The following KIF6 variants were observed in gnomAD, a reference collection of about 807,000 sequenced individuals.
KIF6 encodes the protein kinesin family member 6, also known as kinesin-like protein KIF6.
In KIF6, 106 loss-of-function variants were observed where a neutral mutation model predicts 112.7. That is an observed-to-expected ratio of 0.94 (90% confidence interval 0.80 to 1.11). The LOEUF is 1.11. Among genes scored for constraint, KIF6 ranks in the 50% least tolerant of loss-of-function variants. The pLI, the probability that KIF6 is intolerant of heterozygous loss-of-function variation, is 0.00. For missense variants in KIF6, 929 were observed against 964.0 expected (o/e 0.96, Z 0.48); for synonymous variants, 339 against 339.9 (o/e 1.00, Z 0.03).
chr6:39,359,187 G>A (rs1764940751), intron 18 of KIF6, among the ~76,000 whole-genome samples: 1 of 152,194 alleles, frequency 6.6e-6, no homozygotes, highest in African/African-American at 2.4e-5. Context: ...GGATCAGCCT[G>A]TCAGATAATC....
intron 22 of KIF6, among the ~76,000 whole-genome samples, chr6:39,337,211 C>CTT (rs1197445487): frequency 3.2e-5 from 3 of 94,560 alleles, no homozygotes; most frequent in African/African-American, 1.6e-4. Context: ...TTCTTTCTTT[C>CTT]TTTCTTTCTT....
chr6:39,588,572 C>T (rs1247199454), intron 7 of KIF6, among the ~76,000 whole-genome samples: 2 of 152,092 alleles, frequency 1.3e-5, no homozygotes, highest in African/African-American at 2.4e-5. Flanking sequence ...TACCATCAAT[C>T]TCAACCTCTT....
intron 9 of KIF6, chr6:39,583,172 C>T (rs1781390119): frequency 3.9e-6 from 1 of 258,274 alleles, no homozygotes; most frequent in South Asian, 4.4e-5. Context: ...AAACAAAACC[C>T]TCCAATGTCT....
chr6:39,662,905 C>CCTTT (rs1368101176), intron 3 of KIF6, among the ~76,000 whole-genome samples: 53 of 151,460 alleles, frequency 3.5e-4, no homozygotes, highest in African/African-American at 1.2e-3. Context: ...CTTCTTTTCT[C>CCTTT]TCTCTCTTTT....
At chr6:39,625,624 TC>T (rs1438899519) in intron 5 of KIF6, among the ~76,000 whole-genome samples, 1 of 151,662 alleles carries the variant, frequency 6.6e-6, no homozygotes, top group Non-Finnish European at 1.5e-5. Flanking sequence ...GGCCTAGGAG[TC>T]CCCTCAAATC....
At chr6:39,463,261 G>A (rs1456013624) in intron 13 of KIF6, among the ~76,000 whole-genome samples, 3 of 152,072 alleles carry the variant, frequency 2.0e-5, no homozygotes, top group Non-Finnish European at 2.9e-5. Context: ...TCCACAGTGT[G>A]AGACTAGGCC....
At chr6:39,676,893 T>C (rs1279389988) in intron 3 of KIF6, among the ~76,000 whole-genome samples, 1 of 152,016 alleles carries the variant, frequency 6.6e-6, no homozygotes, top group East Asian at 1.9e-4. Flanking sequence ...ATAGAAATGA[T>C]TGCAAATGTT....
At position 39,403,355 on chromosome 6, in the gene KIF6, C is replaced by T. The variant is rs2150342333; in HGVS notation, c.1810+16593G>A. On this transcript the variant is annotated intron_variant, in intron 15 of 22. Transcript: ENST00000287152. Reference sequence around the variant, plus strand: ...CTCACACCCTTCTCCCACCCCTGCCCTGCATTGTGGAAGTTCTCACTTTTT... The same window carrying T: ...CTCACACCCTTCTCCCACCCCTGCCTTGCATTGTGGAAGTTCTCACTTTTT... Among the ~76,000 whole-genome samples the T allele has an allele frequency of 2.0e-5, 3 of 152,156 alleles. 1 individual carries two copies. The South Asian group carries it at 6.2e-4, about 32-fold the overall frequency.
intron 15 of KIF6, among the ~76,000 whole-genome samples, chr6:39,405,743 A>G (rs1769041506): frequency 6.6e-6 from 1 of 152,176 alleles, no homozygotes; most frequent in African/African-American, 2.4e-5. Flanking sequence ...TTTCTGGAAG[A>G]GATTATATAA....
At chr6:39,565,062 T>C (rs771227464) in intron 10 of KIF6, among the ~76,000 whole-genome samples, 1 of 152,176 alleles carries the variant, frequency 6.6e-6, no homozygotes, top group Non-Finnish European at 1.5e-5. Context: ...AGCTGAAAAA[T>C]AAAAGCAAAG....
chr6:39,395,729 G>GT (rs1768220035), intron 15 of KIF6, among the ~76,000 whole-genome samples: 1 of 152,168 alleles, frequency 6.6e-6, no homozygotes, highest in Non-Finnish European at 1.5e-5. Flanking sequence ...CTACTCCAGT[G>GT]TGGGTGGGAC....
chr6:39,354,411 A>G (rs1764485714), intron 19 of KIF6, among the ~76,000 whole-genome samples: 2 of 152,236 alleles, frequency 1.3e-5, no homozygotes, highest in African/African-American at 4.8e-5. Context: ...TGGGACATCT[A>G]TCCATTTGGA....
intron 13 of KIF6, among the ~76,000 whole-genome samples, chr6:39,460,040 C>T (rs1773361634): frequency 6.8e-6 from 1 of 146,276 alleles, no homozygotes; most frequent in East Asian, 2.1e-4. Flanking sequence ...ACCCAAATGA[C>T]TATAAATCAT....
intron 13 of KIF6, among the ~76,000 whole-genome samples, chr6:39,528,843 A>T (rs1429018970): frequency 6.6e-6 from 1 of 152,238 alleles, no homozygotes; most frequent in Non-Finnish European, 1.5e-5. Context: ...GAATTCCAAA[A>T]TCATTTTTCA....
rs1443982685 is a variant in KIF6, at chr6:39,342,594, G to GTTTTT, written c.2428+1110_2428+1114dup. ...GGGGACTTGGAGATCACTGAATCCA[G>GTTTTT]TTTTTTATTTTTTTTTATTTTTTTT... is the stretch of plus-strand genomic sequence containing the variant. On this transcript the variant is annotated intron_variant, in intron 22 of 22. Transcript: ENST00000287152. The surrounding 1 kb of genome is among the most constrained non-coding windows in gnomAD (Gnocchi z 4.7). 4.8e-5 allele frequency among the ~76,000 whole-genome samples: 6 copies of GTTTTT among 124,378 alleles called. No individual in the cohort carries two copies. Among genetic ancestry groups the GTTTTT allele is most frequent in the African/African-American group, 8.7e-5 (2 of 22,876 alleles). 81.6% of individuals were successfully genotyped at this position (124,378 alleles called of 152,430 possible).
At chr6:39,380,000 C>T (rs987598134) in intron 16 of KIF6, among the ~76,000 whole-genome samples, 2 of 152,214 alleles carry the variant, frequency 1.3e-5, no homozygotes, top group African/African-American at 4.8e-5. Context: ...TAGTAACATG[C>T]CTGGCACATG....
intron 17 of KIF6, among the ~76,000 whole-genome samples, chr6:39,360,949 AG>A (rs1439427175): frequency 6.6e-6 from 1 of 152,170 alleles, no homozygotes; most frequent in Non-Finnish European, 1.5e-5. Flanking sequence ...AGGTATGAAG[AG>A]GTTATATAAC....
chr6:39,429,180 C>T lies in KIF6; in HGVS notation c.1754+1873G>A, dbSNP rs192157639. 1.1e-4 allele frequency among the ~76,000 whole-genome samples: 17 copies of T among 152,332 alleles called. 1 individual carries two copies. Among genetic ancestry groups the T allele is most frequent in the Admixed American group, 7.8e-4 (12 of 15,300 alleles). ...GCCAGGATGATAGTCTAGGCTGGGC[C>T]TTCGACCCTCATTGCGGTTTGCTTT... is the stretch of plus-strand genomic sequence containing the variant. On this transcript the variant is annotated intron_variant, in intron 14 of 22. Coordinates refer to ENST00000287152, the MANE Select transcript of KIF6 (RefSeq NM_145027.6).
chr6:39,410,975 A>G (rs1234353167), intron 15 of KIF6, among the ~76,000 whole-genome samples: 1 of 152,216 alleles, frequency 6.6e-6, no homozygotes, highest in Non-Finnish European at 1.5e-5. Flanking sequence ...CCTGACCCCA[A>G]AGCAGCACAT....
Sources: gnomAD v4.1 joint callset for allele counts (sites outside exome capture counted in the v4.1 genomes callset) on GRCh38, gnomAD v4.1.1 for gene constraint, Gnocchi (gnomAD v3.1) non-coding constraint, MANE v1.5 for transcripts, NCBI Gene and HGNC (gene_info 2026-07-23, HGNC 2026-07-21) for gene names.